DUS2: variants seen among roughly 807,000 people sequenced by gnomAD.
DUS2 encodes the protein tRNA-dihydrouridine(20) synthase [NAD(P)+]-like.
A neutral mutation model predicts 71.3 loss-of-function variants in DUS2; 52 were observed. The ratio of observed to expected loss-of-function variants is 0.73; its 90% CI spans 0.58 to 0.92. The LOEUF (loss-of-function observed/expected upper bound fraction) is 0.92, where lower values mean the gene tolerates loss of function less well. DUS2 is among the 40% of genes least tolerant of loss of function. The pLI is 0.00. For synonymous variants in DUS2, 204 were observed against 227.8 expected (o/e 0.90, Z 0.94); for missense variants, 558 against 622.6 (o/e 0.90, Z 1.10).
intron 11 of DUS2, among the ~76,000 whole-genome samples, chr16:68,070,484 G>A (rs1016896707): frequency 5.9e-5 from 9 of 152,174 alleles, no homozygotes; most frequent in Non-Finnish European, 1.2e-4. Flanking sequence ...CAGGCTGCAG[G>A]GAGGGGAAAG....
intron 2 of DUS2, among the ~76,000 whole-genome samples, chr16:68,036,873 A>AC (rs1555509109): frequency 6.9e-6 from 1 of 145,856 alleles, no homozygotes; most frequent in Non-Finnish European, 1.5e-5. Flanking sequence ...TCTTTGCTCC[A>AC]TTTTTTTTTT....
At chr16:68,046,076 A>T (rs865991838) in intron 3 of DUS2, among the ~76,000 whole-genome samples, 4 of 152,124 alleles carry the variant, frequency 2.6e-5, no homozygotes, top group Non-Finnish European at 5.9e-5. Flanking sequence ...ATTCAGGGGT[A>T]TATATGCGGA....
Position 68,049,550 on chromosome 16 carries a change from G to C in DUS2, c.172G>C (p.Glu58Gln), listed in dbSNP as rs757401896. Residue 58 changes from glutamate (E) to glutamine (Q), a missense_variant and splice_region_variant, in exon 4 of 17, where the codon GAG (glutamate) becomes CAG (glutamine). Glu to Gln is a conservative substitution (Grantham distance 29, BLOSUM62 2). Coordinates refer to ENST00000565263, the MANE Select transcript of DUS2 (RefSeq NM_017803.5). ...KMIQCKRVVN[E>Q]VLSTVDFVAP... is the part of the protein sequence containing the mutation. ...GATTCAGTGCAAGAGAGTTGTTAAT[G>C]GTGAGTACAGATCTGGCTCCAGAAT... is the stretch of plus-strand genomic sequence containing the variant. The C allele has an allele frequency of 1.1e-5, 17 of 1,614,102 alleles. No homozygotes were observed. In the South Asian group the frequency reaches 1.9e-4, roughly 18 times the overall value.
chr16:68,054,581 C>G lies in DUS2; in HGVS notation c.272C>G (p.Ser91Ter). ...AGCCTCTTGTGTTCCCAGGGGACTTCAGACGCAGAGCGAGCCCTTGCTGTG... is the reference window on the plus strand; with the variant it reads ...AGCCTCTTGTGTTCCCAGGGGACTTGAGACGCAGAGCGAGCCCTTGCTGTG... ...QNRVVFQMGT[S>*]DAERALAVAR... Residue 91 changes from serine (S) to a stop codon, truncating the protein, a stop_gained, in exon 6 of 17, where the codon TCA (serine) becomes TGA (stop). Coordinates refer to ENST00000565263, the MANE Select transcript of DUS2 (RefSeq NM_017803.5). LOFTEE classifies it high-confidence loss of function. 1 of 1,614,124 alleles carries G rather than the reference C, an allele frequency of 6.2e-7. No individual in the cohort carries two copies. The highest frequency in any genetic ancestry group is 8.5e-7 in the Non-Finnish European group (1 of 1,180,030).
intron 10 of DUS2, among the ~76,000 whole-genome samples, chr16:68,068,145 C>T (rs1274754703): frequency 6.6e-6 from 1 of 152,202 alleles, no homozygotes; most frequent in Non-Finnish European, 1.5e-5. Context: ...TACAGCATCT[C>T]AGGTCAGTAG....
At chr16:68,052,237 A>C (rs2033789110) in intron 4 of DUS2, among the ~76,000 whole-genome samples, 1 of 152,142 alleles carries the variant, frequency 6.6e-6, no homozygotes, top group African/African-American at 2.4e-5. Flanking sequence ...TGAGATCACC[A>C]ACAAAAAGCA....
chr16:68,060,769 A>G (rs1872374844), intron 7 of DUS2, among the ~76,000 whole-genome samples: 1 of 151,804 alleles, frequency 6.6e-6, no homozygotes, highest in South Asian at 2.1e-4. Flanking sequence ...AATCACTTGA[A>G]CTGGGGAGGT....
chr16:68,071,427 G>T (rs919285132), intron 12 of DUS2, among the ~76,000 whole-genome samples: 1 of 152,108 alleles, frequency 6.6e-6, no homozygotes, highest in African/African-American at 2.4e-5. Context: ...TTTCTCACAC[G>T]CTGCACATAC....
chr16:68,070,154 A>T lies in DUS2; in HGVS notation c.575A>T (p.Gln192Leu). The change falls in exon 11 of 17, where the codon CAG (glutamine) becomes CTG (leucine). Residue 192 changes from glutamine to leucine, a missense_variant. Transcript: ENST00000565263. ...CCAAGGAAGCGGGAGGAGCGACCTCAGCATCCTGTCAGCTGTGAAGTCATC... is the reference window on the plus strand; with the variant it reads ...CCAAGGAAGCGGGAGGAGCGACCTCTGCATCCTGTCAGCTGTGAAGTCATC... The part of the protein sequence containing the change: ...VHGRKREERP[Q>L]HPVSCEVIKA... The T allele has an allele frequency of 6.2e-7, 1 of 1,614,120 alleles. No individual in the cohort carries two copies. The highest frequency in any genetic ancestry group is 1.7e-5 in the Admixed American group (1 of 60,018).
At chr16:68,063,105 A>G (rs779507986) in intron 8 of DUS2, among the ~76,000 whole-genome samples, 12 of 152,228 alleles carry the variant, frequency 7.9e-5, no homozygotes, top group Non-Finnish European at 1.5e-4. Context: ...TGAATAAGGC[A>G]GATTTCATCC....
rs2151419935 is a variant in DUS2, at chr16:68,053,578, G to A, written c.187G>A (p.Val63Met). The A allele has an allele frequency of 2.5e-6, 4 of 1,614,244 alleles. No individual in the cohort carries two copies. In the East Asian group the frequency reaches 8.9e-5, roughly 36 times the overall value. Residue 63 changes from valine (V) to methionine (M), a missense_variant, in exon 5 of 17, where the codon GTG becomes ATG. Val to Met is a conservative substitution (Grantham distance 21, BLOSUM62 1). Transcript: ENST00000565263. ...TTTTCTTGCAGAGGTGCTCAGCACA[G>A]TGGACTTTGTCGCCCCTGATGATCG... ...KRVVNEVLSTVDFVAPDDRVV... is the reference protein window; with the variant it reads ...KRVVNEVLSTMDFVAPDDRVV...
chr16:68,058,575 G>C (rs970227355), intron 7 of DUS2, among the ~76,000 whole-genome samples: 9 of 152,128 alleles, frequency 5.9e-5, no homozygotes, highest in Non-Finnish European at 1.3e-4. Context: ...TATGTGAGGA[G>C]CAGAGTTAAA....
chr16:68,043,903 G>A (rs936441629), intron 3 of DUS2, among the ~76,000 whole-genome samples: 2 of 152,142 alleles, frequency 1.3e-5, no homozygotes, highest in Non-Finnish European at 2.9e-5. Context: ...GGCCTCAAGT[G>A]ATCCTCCTGC....
chr16:68,044,857 A>G (rs1032165210), intron 3 of DUS2, among the ~76,000 whole-genome samples: 8 of 152,044 alleles, frequency 5.3e-5, no homozygotes, highest in African/African-American at 1.7e-4. Context: ...CAGTGGCGCA[A>G]TCTCAGCTCA....
intron 2 of DUS2, among the ~76,000 whole-genome samples, chr16:68,029,089 CA>C (rs1386331085): frequency 6.6e-6 from 1 of 151,870 alleles, no homozygotes; most frequent in Non-Finnish European, 1.5e-5. Flanking sequence ...CCTGTAGTCC[CA>C]GTTACTCCGG....
At chr16:68,039,427 T>C (rs1016772057) in intron 3 of DUS2, among the ~76,000 whole-genome samples, 5 of 151,932 alleles carry the variant, frequency 3.3e-5, no homozygotes, top group African/African-American at 1.2e-4. Flanking sequence ...TTCTATTTTT[T>C]TTTTTCCTTG....
At chr16:68,068,756 T>C (rs1015734497) in intron 10 of DUS2, among the ~76,000 whole-genome samples, 3 of 148,188 alleles carry the variant, frequency 2.0e-5, no homozygotes, top group African/African-American at 7.4e-5. Context: ...GCCTGGCTTT[T>C]TTTTTTTTTT....
chr16:68,051,745 T>C (rs533055414), intron 4 of DUS2, among the ~76,000 whole-genome samples: 1 of 152,142 alleles, frequency 6.6e-6, no homozygotes, highest in Non-Finnish European at 1.5e-5. Flanking sequence ...TCACTTAACA[T>C]TGAACCCACT....
At chr16:68,029,725 G>A (rs549885053) in intron 2 of DUS2, among the ~76,000 whole-genome samples, 29 of 152,140 alleles carry the variant, frequency 1.9e-4, no homozygotes, top group South Asian at 6.2e-4. Flanking sequence ...GGGATTATAG[G>A]CATGAGCCAC....
Sources: allele counts gnomAD v4.1 joint callset (sites outside exome capture counted in the v4.1 genomes callset), GRCh38; gene constraint gnomAD v4.1.1; transcripts MANE v1.5; gene names NCBI Gene and HGNC (gene_info 2026-07-23, HGNC 2026-07-21).